Variants in DLGAP1 observed in about 807,000 individuals in gnomAD.
The protein encoded by DLGAP1 is DLG associated protein 1.
In DLGAP1, 11 loss-of-function variants were observed where a neutral mutation model predicts 90.8. That is an observed-to-expected ratio of 0.12 (90% CI 0.08 to 0.20). The LOEUF is 0.20. DLGAP1 is among the 10% of genes least tolerant of loss of function. The probability of loss-of-function intolerance (pLI) is 1.00; values close to 1 mark genes in which losing one functional copy is unlikely to be tolerated. For missense variants in DLGAP1, 1,050 were observed against 1,333.8 expected (o/e 0.79, Z 3.31); for synonymous variants, 558 against 540.7 (o/e 1.03, Z -0.44).
At position 4,343,239 on chromosome 18, in the gene DLGAP1, A is replaced by G. The variant is rs184263376; in HGVS notation, c.-267+111767T>C. Among the ~76,000 whole-genome samples the G allele has an allele frequency of 8.4e-3, 1,270 of 151,574 alleles. 38 individuals are homozygous for G. Among genetic ancestry groups the G allele is most frequent in the East Asian group, 0.052 (267 of 5,096 alleles). On this transcript the variant is annotated intron_variant, in intron 1 of 12. Transcript: ENST00000315677. ...GGAGAATGGCGTGAACCCAGGAGGC[A>G]GAGCTTGCAGTGAGCTGAGATCGTG...
At chr18:4,419,179 A>G (rs2082972664) in intron 1 of DLGAP1, among the ~76,000 whole-genome samples, 1 of 152,178 alleles carries the variant, frequency 6.6e-6, no homozygotes. Context: ...GCAAATTACA[A>G]AAGAAAGAAG....
At chr18:3,836,864 T>G (rs2068417324) in intron 4 of DLGAP1, among the ~76,000 whole-genome samples, 1 of 152,236 alleles carries the variant, frequency 6.6e-6, no homozygotes. Flanking sequence ...GCAGGGATTT[T>G]GTGTTTTCTT....
chr18:3,888,159 G>C (rs2071371263), intron 3 of DLGAP1, among the ~76,000 whole-genome samples: 1 of 149,422 alleles, frequency 6.7e-6, no homozygotes, highest in Non-Finnish European at 1.5e-5. Context: ...ACTTAACAGA[G>C]GTGAGAATGT....
chr18:3,610,689 A>G (rs951086522), intron 7 of DLGAP1, among the ~76,000 whole-genome samples: 2 of 152,090 alleles, frequency 1.3e-5, no homozygotes. Flanking sequence ...AAAAAAAAAA[A>G]ATAGCCAGAT....
rs181834104 is a variant in DLGAP1 at position 4,312,730 on chromosome 18, C to A, written c.-267+142276G>T. On this transcript the variant is annotated intron_variant, in intron 1 of 12. Coordinates refer to ENST00000315677, the MANE Select transcript of DLGAP1 (RefSeq NM_004746.4). ...AGTTTTATTTTACCATATTTTATTT[C>A]TAATATTATATTTACTGAATAATTC... is the stretch of plus-strand genomic sequence containing the variant. Among the ~76,000 whole-genome samples, 746 of 152,184 alleles carry A rather than the reference C, an allele frequency of 4.9e-3. 7 individuals carry two copies. The highest frequency in any genetic ancestry group is 0.018 in the African/African-American group (729 of 41,542).
intron 4 of DLGAP1, among the ~76,000 whole-genome samples, chr18:3,833,283 G>C (rs554288479): frequency 6.6e-6 from 1 of 150,400 alleles, no homozygotes; most frequent in African/African-American, 2.4e-5. Context: ...CCCCAGGCTG[G>C]AGTGCAGTGG....
intron 4 of DLGAP1, among the ~76,000 whole-genome samples, chr18:3,828,065 C>T (rs2067817183): frequency 6.6e-6 from 1 of 152,180 alleles, no homozygotes; most frequent in South Asian, 2.1e-4. Flanking sequence ...ACTGATTGTA[C>T]TTCTGTACTG....
intron 4 of DLGAP1, among the ~76,000 whole-genome samples, chr18:3,818,035 G>T (rs1408485862): frequency 6.6e-6 from 1 of 151,884 alleles, no homozygotes; most frequent in Non-Finnish European, 1.5e-5. Flanking sequence ...GGAGGGGGTT[G>T]GACTCAACAA....
intron 1 of DLGAP1, among the ~76,000 whole-genome samples, chr18:4,255,793 GT>G (rs928001381): frequency 1.3e-5 from 2 of 151,882 alleles, no homozygotes; most frequent in Non-Finnish European, 2.9e-5. Context: ...TAAATTTAAT[GT>G]TTTTTAACTT....
chr18:3,540,812 AC>A (rs2052650552), intron 9 of DLGAP1, among the ~76,000 whole-genome samples: 1 of 152,150 alleles, frequency 6.6e-6, no homozygotes, highest in South Asian at 2.1e-4. Context: ...AATTTTCTCT[AC>A]CCCAAATAAT....
At chr18:3,568,371 T>C (rs1295772689) in intron 8 of DLGAP1, among the ~76,000 whole-genome samples, 2 of 152,174 alleles carry the variant, frequency 1.3e-5, no homozygotes, top group East Asian at 1.9e-4. Context: ...TATCACTCCA[T>C]AGTTTCTAAA....
intron 7 of DLGAP1, among the ~76,000 whole-genome samples, chr18:3,609,640 C>T (rs4798105): frequency 0.74 from 112,007 of 151,998 alleles, 42,126 homozygotes; most frequent in African/African-American, 0.88. Context: ...ATGCGGTGAG[C>T]GAAGAGGTGA....
At chr18:4,097,849 A>C (rs2075709335) in intron 2 of DLGAP1, among the ~76,000 whole-genome samples, 1 of 152,240 alleles carries the variant, frequency 6.6e-6, no homozygotes, top group Admixed American at 6.5e-5. Context: ...TCTACGAAGG[A>C]GGAAGTTGAT....
chr18:3,740,931 A>ACC (rs1411461197), intron 6 of DLGAP1, among the ~76,000 whole-genome samples: 2 of 139,408 alleles, frequency 1.4e-5, no homozygotes, highest in Non-Finnish European at 3.1e-5. Context: ...CACCATGGTC[A>ACC]TCACCACCAC....
At chr18:3,607,221 C>G (rs1034701259) in intron 7 of DLGAP1, 13 of 152,062 alleles carry the variant, frequency 8.5e-5, no homozygotes, top group African/African-American at 2.9e-4. Flanking sequence ...TCCTTTGAGA[C>G]AGGATCTTGT....
chr18:4,087,242 A>G (rs971066001), intron 2 of DLGAP1, among the ~76,000 whole-genome samples: 8 of 151,738 alleles, frequency 5.3e-5, no homozygotes, highest in Non-Finnish European at 5.9e-5. Context: ...CAGGCCCCCA[A>G]ATCTGTCCAT....
At chr18:4,379,632 G>A (rs372013311) in intron 1 of DLGAP1, among the ~76,000 whole-genome samples, 14 of 152,216 alleles carry the variant, frequency 9.2e-5, no homozygotes, top group African/African-American at 3.4e-4. Flanking sequence ...GTGAAACAAT[G>A]CCTTTGATAG....
intron 7 of DLGAP1, among the ~76,000 whole-genome samples, chr18:3,610,940 A>G (rs992861409): frequency 6.6e-6 from 1 of 150,980 alleles, no homozygotes; most frequent in Non-Finnish European, 1.5e-5. Context: ...AGTTTTCATA[A>G]TTTGTATGAC....
intron 1 of DLGAP1, among the ~76,000 whole-genome samples, chr18:4,182,602 T>C (rs945960141): frequency 5.9e-5 from 9 of 152,180 alleles, no homozygotes; most frequent in African/African-American, 2.2e-4. Flanking sequence ...ATTCCCTAGG[T>C]ATCTTCCATG....
Sources: allele counts gnomAD v4.1 joint callset (sites outside exome capture counted in the v4.1 genomes callset), GRCh38; gene constraint gnomAD v4.1.1; transcripts MANE v1.5; gene names NCBI Gene and HGNC (gene_info 2026-07-23, HGNC 2026-07-21).